The following DPP10 variants were observed in gnomAD, a reference collection of about 807,000 sequenced individuals.
DPP10 encodes inactive dipeptidyl peptidase 10.
Under a neutral mutation model 120.9 loss-of-function variants are expected in DPP10, and 33 were observed. The ratio of observed to expected loss-of-function variants is 0.27; its 90% CI spans 0.21 to 0.37. The LOEUF (loss-of-function observed/expected upper bound fraction) is 0.37, where lower values mean the gene tolerates loss of function less well. Among genes scored for constraint, DPP10 ranks in the 10% least tolerant of loss-of-function variants. The pLI, the probability that DPP10 is intolerant of heterozygous loss-of-function variation, is 1.00. For missense variants in DPP10, 816 were observed against 942.8 expected, an observed-to-expected ratio of 0.87 and a Z score of 1.76; for synonymous variants, 337 against 326.1, an observed-to-expected ratio of 1.03 and a Z score of -0.36.
chr2:114,843,647 A>G (rs1688329357), intron 1 of DPP10, among the ~76,000 whole-genome samples: 1 of 152,024 alleles, frequency 6.6e-6, no homozygotes, highest in Non-Finnish European at 1.5e-5. Context: ...CTGCTCTTCA[A>G]TGTCTTTTCT....
At chr2:114,949,068 G>T (rs1249434677) in intron 1 of DPP10, among the ~76,000 whole-genome samples, 1 of 151,976 alleles carries the variant, frequency 6.6e-6, no homozygotes. Flanking sequence ...GGAAGTACAG[G>T]TGTGTGCCAC....
intron 4 of DPP10, among the ~76,000 whole-genome samples, chr2:115,513,313 A>T (rs1579934): frequency 0.21 from 32,190 of 151,740 alleles, 3,933 homozygotes; most frequent in East Asian, 0.39. Context: ...TAATTATTTT[A>T]AAAAAATTTA....
At chr2:115,509,484 C>T (rs933663631) in intron 4 of DPP10, among the ~76,000 whole-genome samples, 1 of 151,972 alleles carries the variant, frequency 6.6e-6, no homozygotes, top group African/African-American at 2.4e-5. Flanking sequence ...ATCTGTTAAA[C>T]GGCATTTAGT....
intron 1 of DPP10, among the ~76,000 whole-genome samples, chr2:114,915,052 A>AC (rs1389477725): frequency 1.3e-5 from 2 of 151,858 alleles, no homozygotes; most frequent in East Asian, 1.9e-4. Flanking sequence ...AATGGCGTGA[A>AC]CCCGGGAGGC....
At chr2:115,436,225 A>G (rs1401003287) in intron 3 of DPP10, among the ~76,000 whole-genome samples, 4 of 151,902 alleles carry the variant, frequency 2.6e-5, no homozygotes. Context: ...CATTCTACAA[A>G]TAGTGACATG....
intron 7 of DPP10, among the ~76,000 whole-genome samples, chr2:115,709,628 A>G (rs1480910939): frequency 8.9e-6 from 1 of 112,148 alleles, no homozygotes; most frequent in African/African-American, 2.6e-5. Context: ...TTTAAAATAA[A>G]AAAAAAATTG....
At chr2:115,156,196 C>G (rs569381251) in intron 1 of DPP10, among the ~76,000 whole-genome samples, 2 of 152,308 alleles carry the variant, frequency 1.3e-5, no homozygotes, top group African/African-American at 4.8e-5. Flanking sequence ...TTTGCCTCCC[C>G]TGATATCCCG....
chr2:114,865,879 G>A (rs987994233), intron 1 of DPP10, among the ~76,000 whole-genome samples: 1 of 152,042 alleles, frequency 6.6e-6, no homozygotes, highest in Admixed American at 6.6e-5. Context: ...TTGACAGTCC[G>A]AGGTGGGTGG....
rs376719533 is a variant in DPP10 at position 115,004,419 on chromosome 2, C to G, written c.61-304820C>G. Among the ~76,000 whole-genome samples the G allele has an allele frequency of 5.8e-4, 88 of 152,322 alleles. 3 individuals are homozygous for G. The highest frequency in any genetic ancestry group is 1.9e-3 in the African/African-American group (81 of 41,580). On this transcript the variant is annotated intron_variant, in intron 1 of 25. Coordinates refer to ENST00000410059, the MANE Select transcript of DPP10 (RefSeq NM_020868.6). ...TCTACAGCTCCCAGCCTGAGCGACG[C>G]AGAAGACAGGTGATTTCTGCATTTC... is the stretch of plus-strand genomic sequence containing the variant.
At chr2:115,486,291 T>C (rs980289229) in intron 3 of DPP10, among the ~76,000 whole-genome samples, 10 of 152,230 alleles carry the variant, frequency 6.6e-5, no homozygotes, top group Middle Eastern at 3.4e-3. Context: ...CATCTGTCCA[T>C]TCAACTGAAA....
At chr2:115,672,680 C>CTCTTTCTTTCTTTCTCTTTCTTTCTT (rs2089984320) in intron 5 of DPP10, among the ~76,000 whole-genome samples, 1 of 113,264 alleles carries the variant, frequency 8.8e-6, no homozygotes, top group Admixed American at 1.0e-4. Flanking sequence ...CTCTTTCTTT[C>CTCTTTCTTTCTTTCTCTTTCTTTCTT]TCTTTCTTTC....
At chr2:114,571,903 A>T (rs1241564600) in intron 1 of DPP10, among the ~76,000 whole-genome samples, 1 of 148,514 alleles carries the variant, frequency 6.7e-6, no homozygotes. Flanking sequence ...CAATATTTAT[A>T]CTATATATTG....
intron 1 of DPP10, among the ~76,000 whole-genome samples, chr2:115,099,629 G>A (rs913342947): frequency 6.6e-6 from 1 of 152,190 alleles, no homozygotes; most frequent in Non-Finnish European, 1.5e-5. Context: ...GTCACTGGAA[G>A]TAATGATACA....
intron 1 of DPP10, among the ~76,000 whole-genome samples, chr2:115,118,226 C>G (rs2049627322): frequency 6.6e-6 from 1 of 152,146 alleles, no homozygotes. Flanking sequence ...TTTCTTGAGT[C>G]TTTCCATTTC....
At chr2:114,873,792 A>T (rs543630345) in intron 1 of DPP10, among the ~76,000 whole-genome samples, 10 of 152,188 alleles carry the variant, frequency 6.6e-5, no homozygotes, top group Admixed American at 6.5e-4. Flanking sequence ...GGAGATGGAC[A>T]CAGAGCAAAC....
intron 5 of DPP10, among the ~76,000 whole-genome samples, chr2:115,551,936 G>T (rs1429404894): frequency 1.3e-5 from 2 of 152,068 alleles, no homozygotes; most frequent in Non-Finnish European, 2.9e-5. Flanking sequence ...AATTTCATTT[G>T]TTCTGTGGCT....
At chr2:115,645,395 C>T (rs571363820) in intron 5 of DPP10, among the ~76,000 whole-genome samples, 1 of 152,294 alleles carries the variant, frequency 6.6e-6, no homozygotes, top group African/African-American at 2.4e-5. Context: ...TGAGAAGCTA[C>T]ACCCTCTTTC....
At chr2:114,634,669 A>C (rs1278193114) in intron 1 of DPP10, among the ~76,000 whole-genome samples, 1 of 151,942 alleles carries the variant, frequency 6.6e-6, no homozygotes, top group Non-Finnish European at 1.5e-5. Flanking sequence ...AGGGATAATA[A>C]TGTTTACTTT....
chr2:114,501,030 T>C (rs1451530077), intron 1 of DPP10, among the ~76,000 whole-genome samples: 1 of 152,156 alleles, frequency 6.6e-6, no homozygotes, highest in East Asian at 1.9e-4. Flanking sequence ...GAAACTATAG[T>C]TACAAAGATG....
Sources: allele counts gnomAD v4.1 joint callset (sites outside exome capture counted in the v4.1 genomes callset), GRCh38; gene constraint gnomAD v4.1.1; transcripts MANE v1.5; gene names NCBI Gene and HGNC (gene_info 2026-07-23, HGNC 2026-07-21).